EDA: variants seen among roughly 807,000 people sequenced by gnomAD.
The protein encoded by EDA is ectodysplasin-A.
In EDA, 2 loss-of-function variants were observed where a neutral mutation model predicts 23.6. The ratio of observed to expected loss-of-function variants is 0.08; its 90% confidence interval spans 0.03 to 0.27. EDA has a LOEUF of 0.27. EDA is among the 10% of genes least tolerant of loss of function. The pLI is 1.00. For missense variants in EDA, 229 were observed against 324.2 expected (o/e 0.71, Z 2.26); for synonymous variants, 131 against 132.0 (o/e 0.99, Z 0.05).
chrX:69,992,223 T>G (rs753767257), intron 2 of EDA, among the ~76,000 whole-genome samples: 2 of 112,150 alleles, frequency 1.8e-5, no homozygotes, highest in African/African-American at 6.5e-5. Context: ...GTTTCTCAAG[T>G]TGTGATGTCC....
chrX:69,620,987 A>G (rs1932159056), intron 1 of EDA: 1 of 344,780 alleles, frequency 2.9e-6, no homozygotes, highest in South Asian at 2.8e-5. Context: ...ACTGATTTCT[A>G]GAATAATTAG....
At chrX:69,816,312 C>G (rs1394481383) in intron 1 of EDA, among the ~76,000 whole-genome samples, 2 of 111,508 alleles carry the variant, frequency 1.8e-5, no homozygotes, top group African/African-American at 3.3e-5. Context: ...CAACACCTCT[C>G]CAGCAAAGGA....
intron 1 of EDA, among the ~76,000 whole-genome samples, chrX:69,830,043 A>C (rs187530852): frequency 1.0e-4 from 11 of 109,272 alleles, no homozygotes; most frequent in Admixed American, 8.8e-4. Flanking sequence ...TGACAATAAC[A>C]GGCAAGTATT....
In EDA at chrX:69,992,638, G is replaced by A. The variant is rs192841985; in HGVS notation, c.503-30580G>A. ...TACATGTCTCCTTGTGCACATGTGA[G>A]GGAGTTTATTTGGGTCTATATCCAG... On this transcript the variant is annotated intron_variant, in intron 2 of 7. Transcript: ENST00000374552. Among the ~76,000 whole-genome samples, 333 of 111,885 alleles carry A rather than the reference G, an allele frequency of 3.0e-3. 1 individual carries two copies. The highest frequency in any genetic ancestry group is 3.9e-3 in the Non-Finnish European group (206 of 53,195).
chrX:69,819,712 T>C (rs1387140024), intron 1 of EDA, among the ~76,000 whole-genome samples: 1 of 110,618 alleles, frequency 9.0e-6, no homozygotes, highest in African/African-American at 3.3e-5. Context: ...AAACCACTGC[T>C]CAAGGAAATG....
intron 1 of EDA, among the ~76,000 whole-genome samples, chrX:69,892,512 A>G (rs1277457220): frequency 9.0e-6 from 1 of 111,404 alleles, no homozygotes; most frequent in African/African-American, 3.3e-5. Flanking sequence ...CCACAGAGCT[A>G]GGGACCAAAA....
intron 1 of EDA, among the ~76,000 whole-genome samples, chrX:69,888,978 T>TAGATAGATATA (rs1556026049): frequency 3.1e-4 from 5 of 16,013 alleles, no homozygotes; most frequent in Non-Finnish European, 5.2e-4. Flanking sequence ...TGTGGGGTAG[T>TAGATAGATATA]TATATATATA....
intron 2 of EDA, among the ~76,000 whole-genome samples, chrX:69,977,182 T>C (rs1228019603): frequency 1.8e-5 from 2 of 112,151 alleles, no homozygotes; most frequent in African/African-American, 6.5e-5. Context: ...AGAATCTCTT[T>C]CCTCTCCTTT....
intron 1 of EDA, among the ~76,000 whole-genome samples, chrX:69,863,760 T>C (rs1400717375): frequency 9.2e-6 from 1 of 108,339 alleles, no homozygotes; most frequent in African/African-American, 3.4e-5. Flanking sequence ...TGTGTGTATA[T>C]ATATTCTGTG....
intron 1 of EDA, among the ~76,000 whole-genome samples, chrX:69,885,185 T>A (rs910155008): frequency 1.8e-5 from 2 of 112,373 alleles, no homozygotes; most frequent in East Asian, 5.6e-4. Flanking sequence ...TCTTTTATTG[T>A]GGTAAAATAT....
At chrX:69,987,495 A>G (rs111706812) in intron 2 of EDA, among the ~76,000 whole-genome samples, 4,752 of 108,789 alleles carry the variant, frequency 0.044, 275 homozygotes, top group African/African-American at 0.15. Flanking sequence ...ACAAGTGGTC[A>G]GCTCCCTGGG....
intron 1 of EDA, among the ~76,000 whole-genome samples, chrX:69,771,167 C>T (rs1480856560): frequency 5.5e-5 from 5 of 90,601 alleles, no homozygotes; most frequent in Non-Finnish European, 1.0e-4. Flanking sequence ...AGCGATTCTC[C>T]TGCCTCAGCC....
At chrX:69,854,083 A>G (rs2017192193) in intron 1 of EDA, among the ~76,000 whole-genome samples, 1 of 111,322 alleles carries the variant, frequency 9.0e-6, no homozygotes, top group African/African-American at 3.3e-5. Context: ...TATTATATAG[A>G]TTATTTCGTC....
intron 1 of EDA, among the ~76,000 whole-genome samples, chrX:69,938,220 A>T (rs1395522891): frequency 9.0e-6 from 1 of 110,617 alleles, no homozygotes; most frequent in African/African-American, 3.3e-5. Flanking sequence ...CCAGCAAGGG[A>T]TCTGCACCAC....
At chrX:69,732,347 A>T (rs1048252887) in intron 1 of EDA, among the ~76,000 whole-genome samples, 1 of 111,474 alleles carries the variant, frequency 9.0e-6, no homozygotes, top group East Asian at 2.8e-4. Flanking sequence ...GAGTACATGC[A>T]GTGTTTAGTT....
chrX:69,786,561 T>C (rs2015185799), intron 1 of EDA, among the ~76,000 whole-genome samples: 1 of 110,780 alleles, frequency 9.0e-6, no homozygotes, highest in African/African-American at 3.3e-5. Context: ...CAGTAGTCAT[T>C]CAGGAGCAGG....
intron 1 of EDA, among the ~76,000 whole-genome samples, chrX:69,744,863 G>A (rs747398953): frequency 9.0e-6 from 1 of 111,361 alleles, no homozygotes; most frequent in African/African-American, 3.3e-5. Context: ...ACTTGCCTAC[G>A]GGCACAGGCT....
chrX:69,754,340 G>T (rs183541595), intron 1 of EDA, among the ~76,000 whole-genome samples: 15 of 111,509 alleles, frequency 1.3e-4, no homozygotes, highest in Non-Finnish European at 2.3e-4. Flanking sequence ...GTTTGGCTGG[G>T]TATGAAATTC....
chrX:69,892,039 T>A (rs776019410), intron 1 of EDA, among the ~76,000 whole-genome samples: 1 of 112,073 alleles, frequency 8.9e-6, no homozygotes, highest in East Asian at 2.8e-4. Flanking sequence ...ATGTTTCTCA[T>A]GAGTAAAATA....
Sources: gnomAD v4.1 joint callset for allele counts (sites outside exome capture counted in the v4.1 genomes callset) on GRCh38, gnomAD v4.1.1 for gene constraint, MANE v1.5 for transcripts, NCBI Gene and HGNC (gene_info 2026-07-23, HGNC 2026-07-21) for gene names.